SYTL5: variants seen among roughly 807,000 people sequenced by gnomAD.
SYTL5 encodes synaptotagmin like 5, also known as synaptotagmin-like protein 5.
A neutral mutation model predicts 55.9 loss-of-function variants in SYTL5; 34 were observed. The ratio of observed to expected loss-of-function variants is 0.61; its 90% CI spans 0.46 to 0.81. The LOEUF (loss-of-function observed/expected upper bound fraction) is 0.81. Ranked by LOEUF, SYTL5 falls within the 30% of genes least tolerant of loss-of-function variation. The pLI is 0.00. For synonymous variants in SYTL5, 221 were observed against 188.7 expected (o/e 1.17, Z -1.40); for missense variants, 637 against 546.7 (o/e 1.17, Z -1.65).
intron 1 of SYTL5, among the ~76,000 whole-genome samples, chrX:38,024,465 C>A (rs775741571): frequency 1.8e-5 from 2 of 110,609 alleles, no homozygotes; most frequent in South Asian, 7.8e-4. Flanking sequence ...TTCTTCATAG[C>A]AGTATGAAAA....
At chrX:37,938,089 T>G in the SYTL5 span, among the ~76,000 whole-genome samples, 1 of 112,391 alleles carries the variant, frequency 8.9e-6, no homozygotes, top group African/African-American at 3.2e-5. Context: ...TTATTTTTAC[T>G]GCAGCAGATA....
At chrX:38,061,597 G>C (rs1935946086) in intron 3 of SYTL5, among the ~76,000 whole-genome samples, 1 of 111,526 alleles carries the variant, frequency 9.0e-6, no homozygotes, top group Non-Finnish European at 1.9e-5. Flanking sequence ...TAAAAGTAAA[G>C]AGCTTTTATT....
chrX:37,960,864 C>T, the SYTL5 span, among the ~76,000 whole-genome samples: 2 of 108,089 alleles, frequency 1.9e-5, no homozygotes, highest in Admixed American at 1.0e-4. Context: ...GGCGCAATCT[C>T]GGCTCACTGC....
At chrX:37,991,136 G>C in the SYTL5 span, 5 of 1,209,574 alleles carry the variant, frequency 4.1e-6, no homozygotes, top group South Asian at 3.5e-5. Context: ...ACAGCGCTGA[G>C]AGTGATGTGA....
chrX:37,951,495 A>G, the SYTL5 span, among the ~76,000 whole-genome samples: 1 of 111,406 alleles, frequency 9.0e-6, no homozygotes, highest in African/African-American at 3.3e-5. Flanking sequence ...CAATTAAAGC[A>G]TGAGTAAGAC....
the SYTL5 span, among the ~76,000 whole-genome samples, chrX:37,997,553 C>G: frequency 8.9e-6 from 1 of 112,751 alleles, no homozygotes; most frequent in Non-Finnish European, 1.9e-5. Flanking sequence ...TGTGCACATG[C>G]TTGGGGCAGT....
intron 1 of SYTL5, among the ~76,000 whole-genome samples, chrX:38,030,267 C>A (rs1056776206): frequency 9.0e-6 from 1 of 111,470 alleles, no homozygotes; most frequent in Admixed American, 9.6e-5. Flanking sequence ...TCTGACCCCC[C>A]AAAAGTGAAA....
chrX:37,925,151 A>G, the SYTL5 span, among the ~76,000 whole-genome samples: 1 of 111,776 alleles, frequency 8.9e-6, no homozygotes, highest in African/African-American at 3.3e-5. Flanking sequence ...ACTTAACGTG[A>G]TGACTTTCAG....
At chrX:37,966,647 A>G in the SYTL5 span, among the ~76,000 whole-genome samples, 1 of 110,508 alleles carries the variant, frequency 9.0e-6, no homozygotes, top group Non-Finnish European at 1.9e-5. Context: ...CATATTGGCC[A>G]GCCTGGTCTC....
chrX:38,002,928 A>G (rs1470032473), upstream of SYTL5, among the ~76,000 whole-genome samples: 1 of 111,882 alleles, frequency 8.9e-6, no homozygotes, highest in Non-Finnish European at 1.9e-5. Context: ...TGTTTTAGAC[A>G]TGAAGTCCTT....
the SYTL5 span, among the ~76,000 whole-genome samples, chrX:37,985,888 T>C: frequency 2.7e-5 from 3 of 111,605 alleles, no homozygotes; most frequent in Admixed American, 2.8e-4. Flanking sequence ...AGTCAAATGA[T>C]TTTTGACCAT....
chrX:38,073,975 A>G (rs909280418), intron 5 of SYTL5, among the ~76,000 whole-genome samples: 2 of 112,104 alleles, frequency 1.8e-5, no homozygotes, highest in African/African-American at 6.5e-5. Context: ...ACTTATAAGT[A>G]GAAAGTTTCA....
chrX:38,100,998 A>G (rs1269671387), intron 9 of SYTL5, among the ~76,000 whole-genome samples: 1 of 111,577 alleles, frequency 9.0e-6, no homozygotes, highest in Non-Finnish European at 1.9e-5. Context: ...GGAATATTAA[A>G]TGACAATATA....
At position 38,110,338 on chromosome X, in the gene SYTL5, C is replaced by T. The variant is rs1391965347; in HGVS notation, c.1452C>T (p.Thr484=). The change falls in exon 13 of 17, where the codon ACC becomes ACT. Residue 484 remains threonine, a synonymous_variant. Coordinates refer to ENST00000297875, the MANE Select transcript of SYTL5 (RefSeq NM_138780.3). The part of the protein sequence containing the change: ...NETLKYTISH[T]QLETRTLQLS... ...ATTCGCAGTACACTATCAGCCATACCCAGCTGGAAACAAGAACTCTGCAGC... is the reference window on the plus strand; with the variant it reads ...ATTCGCAGTACACTATCAGCCATACTCAGCTGGAAACAAGAACTCTGCAGC... 8 of 1,204,408 alleles carry T rather than the reference C, an allele frequency of 6.6e-6. No homozygotes were observed. Among genetic ancestry groups the T allele is most frequent in the Non-Finnish European group, 9.0e-6 (8 of 891,624 alleles).
chrX:38,042,259 G>T (rs916961433), intron 2 of SYTL5, among the ~76,000 whole-genome samples: 4 of 110,170 alleles, frequency 3.6e-5, no homozygotes, highest in Non-Finnish European at 7.6e-5. Flanking sequence ...TATAAAGAGA[G>T]ACTCAGTATA....
At chrX:38,045,833 A>C (rs1404339539) in intron 2 of SYTL5, among the ~76,000 whole-genome samples, 3 of 112,087 alleles carry the variant, frequency 2.7e-5, no homozygotes, top group Non-Finnish European at 5.6e-5. Flanking sequence ...TGCTTGTTGA[A>C]GAATGACTCT....
intron 4 of SYTL5, among the ~76,000 whole-genome samples, chrX:38,073,330 G>A (rs139152276): frequency 1.0e-3 from 112 of 111,801 alleles, no homozygotes; most frequent in African/African-American, 3.5e-3. Flanking sequence ...ACAGAAGGCT[G>A]ATGCAGTCAT....
intron 3 of SYTL5, among the ~76,000 whole-genome samples, chrX:38,055,080 G>C (rs757577416): frequency 9.0e-6 from 1 of 111,618 alleles, no homozygotes; most frequent in Non-Finnish European, 1.9e-5. Flanking sequence ...TTGGCTTCAC[G>C]TGGCTCCTCA....
intron 5 of SYTL5, among the ~76,000 whole-genome samples, chrX:38,074,660 T>C (rs1400905728): frequency 8.9e-6 from 1 of 111,966 alleles, no homozygotes; most frequent in Non-Finnish European, 1.9e-5. Flanking sequence ...TGTCTAGGGT[T>C]CTTTTAGAAT....
Sources: gnomAD v4.1 joint callset for allele counts (sites outside exome capture counted in the v4.1 genomes callset) on GRCh38, gnomAD v4.1.1 for gene constraint, MANE v1.5 for transcripts, NCBI Gene and HGNC (gene_info 2026-07-23, HGNC 2026-07-21) for gene names.